The following SLC9A1 variants were observed in gnomAD, a reference collection of about 807,000 sequenced individuals.
SLC9A1 encodes the protein sodium/hydrogen exchanger 1.
In SLC9A1, 22 loss-of-function variants were observed where a neutral mutation model predicts 67.9. The ratio of observed to expected loss-of-function variants is 0.32; its 90% CI spans 0.23 to 0.46. The LOEUF is 0.46. Ranked by LOEUF, SLC9A1 falls within the 20% of genes least tolerant of loss-of-function variation. The pLI is 1.00. For missense variants in SLC9A1, 686 were observed against 1,094.8 expected, an observed-to-expected ratio of 0.63 and a Z score of 5.27; for synonymous variants, 421 against 471.8, an observed-to-expected ratio of 0.89 and a Z score of 1.40.
rs371681259 is a variant in SLC9A1 at position 27,109,490 on chromosome 1, C to A, written c.1064+37G>T. The A allele has an allele frequency of 6.2e-7, 1 of 1,603,814 alleles. No individual in the cohort carries two copies. The highest frequency in any genetic ancestry group is 8.5e-7 in the Non-Finnish European group (1 of 1,176,708). ...TCCAAGCTGGCAGCCCCCGCCCCCA[C>A]CCCGCCAAGCCCACTGCCTGCTGCA... is the stretch of plus-strand genomic sequence containing the variant. On this transcript the variant is annotated intron_variant, in intron 3 of 11. Coordinates refer to ENST00000263980, the MANE Select transcript of SLC9A1 (RefSeq NM_003047.5). This position sits in a 1 kb window ranked among gnomAD's most constrained non-coding sequence, Gnocchi z 5.5.
intron 1 of SLC9A1, among the ~76,000 whole-genome samples, chr1:27,117,255 A>G (rs2083278024): frequency 6.6e-6 from 1 of 152,204 alleles, no homozygotes; most frequent in South Asian, 2.1e-4. Flanking sequence ...TCCTACAGGC[A>G]GGGGCCAGAA....
chr1:27,110,593 C>T (rs924561862), intron 2 of SLC9A1, among the ~76,000 whole-genome samples: 7 of 152,244 alleles, frequency 4.6e-5, no homozygotes, highest in Non-Finnish European at 1.0e-4. Context: ...TAGTCTTTAT[C>T]TGAGTCGACA....
chr1:27,100,790 G>C lies in SLC9A1; in HGVS notation c.2111-146C>G, dbSNP rs1256772306. On this transcript the variant is annotated intron_variant, in intron 11 of 11. Coordinates refer to ENST00000263980, the MANE Select transcript of SLC9A1 (RefSeq NM_003047.5). This position sits in a 1 kb window ranked among gnomAD's most constrained non-coding sequence, Gnocchi z 5.6. ...ACAGGCCTCAGAAGCAGGCCTCTGC[G>C]ACCTTCCACCCCACAGCTTCTCTTC... The C allele has an allele frequency of 4.5e-6, 3 of 668,314 alleles. No homozygotes were observed. The highest frequency in any genetic ancestry group is 2.6e-6 in the Non-Finnish European group (1 of 388,438). 41.4% of individuals were successfully genotyped at this position (668,314 alleles called of 1,614,324 possible). A position where few individuals can be genotyped will look rare whatever the true frequency, so the allele number is the denominator to read the frequency against.
At chr1:27,153,729 G>A (rs1423581137) in intron 1 of SLC9A1, among the ~76,000 whole-genome samples, 1 of 152,184 alleles carries the variant, frequency 6.6e-6, no homozygotes, top group Non-Finnish European at 1.5e-5. Flanking sequence ...AGGGACCTAG[G>A]ATCAGAGGCA....
intron 5 of SLC9A1, chr1:27,105,461 A>C (rs993914670): frequency 2.1e-6 from 1 of 478,498 alleles, no homozygotes. Context: ...CACCATGCCC[A>C]CTAATTTTGT....
chr1:27,100,359 C>G lies in SLC9A1; in HGVS notation c.2396G>C (p.Gly799Ala), dbSNP rs1012311537. ...QRIQRCLSDPGPHPEPGEGEP... is the reference protein window; with the variant it reads ...QRIQRCLSDPAPHPEPGEGEP... Reference sequence around the variant, plus strand: ...TCCCTCCCCAGGCTCAGGGTGTGGGCCTGGGTCACTGAGGCAGCGCTGTAT... The same window carrying G: ...TCCCTCCCCAGGCTCAGGGTGTGGGGCTGGGTCACTGAGGCAGCGCTGTAT... Residue 799 changes from glycine to alanine, a missense_variant, in exon 12 of 12, where the codon GGC becomes GCC. Physicochemically the swap from Gly to Ala is moderately conservative, Grantham distance 60 (BLOSUM62 0). This residue lies in a region of SLC9A1 where 226 missense variants were observed against 282.4 expected (regional missense o/e 0.80). Transcript: ENST00000263980. This position sits in a 1 kb window ranked among gnomAD's most constrained non-coding sequence, Gnocchi z 5.6. 2 of 1,566,214 alleles carry G rather than the reference C, an allele frequency of 1.3e-6. No individual in the cohort carries two copies. The highest frequency in any genetic ancestry group is 1.7e-6 in the Non-Finnish European group (2 of 1,154,670).
chr1:27,143,074 G>A lies in SLC9A1; in HGVS notation c.352+10909C>T, dbSNP rs78202282. On this transcript the variant is annotated intron_variant, in intron 1 of 11. Coordinates refer to ENST00000263980, the MANE Select transcript of SLC9A1 (RefSeq NM_003047.5). ...AAAAAAAAAAAAAAAAAAAAAATCT[G>A]AGTCTATCATGGGCCTTCTCCCTTG... Among the ~76,000 whole-genome samples the A allele has an allele frequency of 4.3e-3, 609 of 140,932 alleles. 4 individuals carry two copies. Among genetic ancestry groups the A allele is most frequent in the African/African-American group, 0.015 (574 of 38,176 alleles). The allele number at this position is 140,932 out of a possible 152,430, so 92.5% of individuals were successfully genotyped here.
At chr1:27,130,136 TG>T (rs1321863808) in intron 1 of SLC9A1, among the ~76,000 whole-genome samples, 1 of 152,252 alleles carries the variant, frequency 6.6e-6, no homozygotes. Flanking sequence ...AGTCTCATTC[TG>T]TCGCTCAGGC....
intron 1 of SLC9A1, among the ~76,000 whole-genome samples, chr1:27,129,305 G>A (rs1436253374): frequency 6.6e-6 from 1 of 152,194 alleles, no homozygotes; most frequent in Admixed American, 6.5e-5. Flanking sequence ...GGAGAGACAG[G>A]GCATGCTTGG....
chr1:27,105,962 C>T lies in SLC9A1; in HGVS notation c.1408G>A (p.Asp470Asn). 1 of 1,613,706 alleles carries T rather than the reference C, an allele frequency of 6.2e-7. No individual in the cohort carries two copies. Among genetic ancestry groups the T allele is most frequent in the South Asian group, 1.1e-5 (1 of 91,092 alleles). Residue 470 changes from aspartate to asparagine, a missense_variant, in exon 5 of 12, where the codon GAC becomes AAC. By Grantham distance (23) the Asp-to-Asn change is conservative. This residue lies in a region of SLC9A1 where 168 missense variants were observed against 375.4 expected (regional missense o/e 0.45). Transcript: ENST00000263980. ...TCACACATGGGGAAGTGCTTCTTGT[C>T]CAGGAGGTAGCCCAGAGAGAAGGCG... Reference protein sequence around the residue: ...AIAFSLGYLLDKKHFPMCDLF... With the variant: ...AIAFSLGYLLNKKHFPMCDLF...
In SLC9A1 at chr1:27,154,385, G is replaced by C; in HGVS notation, c.-51C>G. The C allele has an allele frequency of 8.1e-7, 1 of 1,228,476 alleles. No individual in the cohort carries two copies. Among genetic ancestry groups the C allele is most frequent in the Non-Finnish European group, 1.1e-6 (1 of 880,388 alleles). 76.1% of individuals were successfully genotyped at this position (1,228,476 alleles called of 1,614,324 possible). A position where few individuals can be genotyped will look rare whatever the true frequency, so the allele number is the denominator to read the frequency against. On this transcript the variant is annotated 5_prime_UTR_variant, in exon 1 of 12. Transcript: ENST00000263980. Reference sequence around the variant, plus strand: ...ACCTTACCCAAATGAGAGTAAAACCGGGCACATAGGTAGCAAAGGGTCAGC... The same window carrying C: ...ACCTTACCCAAATGAGAGTAAAACCCGGCACATAGGTAGCAAAGGGTCAGC...
chr1:27,111,901 T>G (rs575340566), intron 2 of SLC9A1, among the ~76,000 whole-genome samples: 2 of 152,254 alleles, frequency 1.3e-5, no homozygotes, highest in South Asian at 4.2e-4. Context: ...GCCACTGCCT[T>G]TGGGAGACAT....
intron 1 of SLC9A1, among the ~76,000 whole-genome samples, chr1:27,142,075 C>T (rs565028998): frequency 1.3e-5 from 2 of 152,350 alleles, no homozygotes; most frequent in Admixed American, 6.5e-5. Flanking sequence ...CTGCCAAGGA[C>T]AGCTCCCTAA....
At chr1:27,138,313 A>T (rs2083432412) in intron 1 of SLC9A1, among the ~76,000 whole-genome samples, 1 of 152,172 alleles carries the variant, frequency 6.6e-6, no homozygotes, top group Non-Finnish European at 1.5e-5. Flanking sequence ...GTCTCAGCTC[A>T]GACACCAGCT....
intron 1 of SLC9A1, among the ~76,000 whole-genome samples, chr1:27,150,841 C>A (rs1422596049): frequency 6.6e-6 from 1 of 152,114 alleles, no homozygotes; most frequent in East Asian, 1.9e-4. Flanking sequence ...GGAAGGAGAA[C>A]TGCAAAGCAC....
In SLC9A1 at chr1:27,099,082, C is replaced by T. The variant is rs1570838634; in HGVS notation, c.*1225G>A. 3 of 152,712 alleles carry T rather than the reference C, an allele frequency of 2.0e-5. No individual in the cohort carries two copies. In the East Asian group the frequency reaches 5.8e-4, roughly 30 times the overall value. The allele number at this position is 152,712 out of a possible 1,614,324, so 9.5% of individuals were successfully genotyped here. A position where few individuals can be genotyped will look rare whatever the true frequency, so the allele number is the denominator to read the frequency against. On this transcript the variant is annotated 3_prime_UTR_variant, in exon 12 of 12. Coordinates refer to ENST00000263980, the MANE Select transcript of SLC9A1 (RefSeq NM_003047.5). ...GACAAGGGGAAGGAGTGTGTGTGGG[C>T]AAAGGTCTCTGGGGGCCCAGGATTC...
chr1:27,145,850 C>T (rs1250400955), intron 1 of SLC9A1, among the ~76,000 whole-genome samples: 1 of 152,126 alleles, frequency 6.6e-6, no homozygotes, highest in Non-Finnish European at 1.5e-5. Context: ...ATTAGATGAG[C>T]TTTAGGGGGA....
intron 2 of SLC9A1, among the ~76,000 whole-genome samples, chr1:27,112,480 C>A (rs928915753): frequency 6.6e-6 from 1 of 152,152 alleles, no homozygotes; most frequent in African/African-American, 2.4e-5. Context: ...ATGCACACAT[C>A]TGTTTCCCAA....
chr1:27,116,573 C>T (rs1365623806), intron 1 of SLC9A1, among the ~76,000 whole-genome samples: 2 of 152,162 alleles, frequency 1.3e-5, no homozygotes, highest in African/African-American at 4.8e-5. Context: ...ACTTTTTGTT[C>T]ATCTACTTCC....
Sources: gnomAD v4.1 joint callset for allele counts (sites outside exome capture counted in the v4.1 genomes callset) on GRCh38, gnomAD v4.1.1 for gene constraint, gnomAD v4.1.1 regional missense constraint, Gnocchi (gnomAD v3.1) non-coding constraint, MANE v1.5 for transcripts, NCBI Gene and HGNC (gene_info 2026-07-23, HGNC 2026-07-21) for gene names.